Variants in CAVIN1 observed in about 807,000 individuals in gnomAD.
CAVIN1 encodes caveolae associated protein 1.
Under a neutral mutation model 24.0 loss-of-function variants are expected in CAVIN1, and 16 were observed. That is an observed-to-expected ratio of 0.67 (90% CI 0.45 to 1.01). The LOEUF is 1.01. Ranked by LOEUF, CAVIN1 falls within the 50% of genes least tolerant of loss-of-function variation. CAVIN1 has a pLI of 0.00. For synonymous variants in CAVIN1, 256 were observed against 256.4 expected, an observed-to-expected ratio of 1.00 and a Z score of 0.02; for missense variants, 510 against 551.7, an observed-to-expected ratio of 0.92 and a Z score of 0.76.
In CAVIN1 at chr17:42,422,781, G is replaced by A; in HGVS notation, c.317C>T (p.Thr106Met). The A allele has an allele frequency of 1.2e-6, 2 of 1,613,528 alleles. No homozygotes were observed. Among genetic ancestry groups the A allele is most frequent in the Non-Finnish European group, 1.7e-6 (2 of 1,179,812 alleles). ...CACCTTCTCCAGCAGCTTGCTCACC[G>A]TATTGCTCGTGGTGGCGTGCGCCTT... ...LGKAHATTSN[T>M]VSKLLEKVRK... The change falls in exon 1 of 2, where the codon ACG becomes ATG. Residue 106 changes from threonine (T) to methionine (M), a missense_variant. By Grantham distance (81) the Thr-to-Met change is moderately conservative (BLOSUM62 -1). Transcript: ENST00000357037.
rs1036495841 is a variant in CAVIN1, at chr17:42,412,300, G to T, written c.472-6912C>A. ...ATGGGGCTTGGGGTGGGTGCAAAAG[G>T]AGTTGAGAAAAAAGGGCCTTGGTGG... On this transcript the variant is annotated intron_variant, in intron 1 of 1. Coordinates refer to ENST00000357037, the MANE Select transcript of CAVIN1 (RefSeq NM_012232.6). 29 of 985,008 alleles carry T rather than the reference G, an allele frequency of 2.9e-5. No individual in the cohort carries two copies. The South Asian group carries it at 1.1e-3, about 38-fold the overall frequency. 61.0% of individuals were successfully genotyped at this position (985,008 alleles called of 1,614,324 possible).
intron 1 of CAVIN1, among the ~76,000 whole-genome samples, chr17:42,413,566 G>GAAAAAAAAAAAAAAAA (rs60085741): frequency 2.1e-4 from 12 of 56,948 alleles, no homozygotes; most frequent in East Asian, 7.0e-4. Flanking sequence ...CTCAAAAAGG[G>GAAAAAAAAAAAAAAAA]AAAAAAAAAA....
At chr17:42,406,229 C>G (rs998125848) in intron 1 of CAVIN1, among the ~76,000 whole-genome samples, 3 of 152,130 alleles carry the variant, frequency 2.0e-5, no homozygotes, top group East Asian at 3.9e-4. Context: ...TCTGGTGCCG[C>G]AAATCGCACA....
At chr17:42,412,874 C>T (rs998845023) in intron 1 of CAVIN1, among the ~76,000 whole-genome samples, 1 of 151,678 alleles carries the variant, frequency 6.6e-6, no homozygotes, top group Non-Finnish European at 1.5e-5. Flanking sequence ...GTCTCGGTCT[C>T]CCAAAGTGCT....
chr17:42,408,376 C>G (rs1488405269), intron 1 of CAVIN1, among the ~76,000 whole-genome samples: 1 of 152,090 alleles, frequency 6.6e-6, no homozygotes, highest in East Asian at 1.9e-4. Flanking sequence ...GTGAATGGGA[C>G]TGGGGAGAGA....
chr17:42,411,670 C>T, intron 1 of CAVIN1: 2 of 985,412 alleles, frequency 2.0e-6, no homozygotes, highest in Non-Finnish European at 2.4e-6. Flanking sequence ...CTCATGATGG[C>T]CCTCTCCAAA....
Position 42,405,047 on chromosome 17 carries a change from C to T in CAVIN1, c.813G>A (p.Glu271=). ...ENLEKTRHTL[E]KRMNKLGTRL... ...GCGTGCCCAGCTTGTTCATGCGCTT[C>T]TCCAGGGTGTGCCGCGTCTTCTCCA... The change falls in exon 2 of 2, where the codon GAG becomes GAA. Residue 271 remains glutamate (E), a synonymous_variant. Transcript: ENST00000357037. 6.2e-7 allele frequency: 1 copy of T among 1,614,194 alleles called. No homozygotes were observed. Among genetic ancestry groups the T allele is most frequent in the Non-Finnish European group, 8.5e-7 (1 of 1,180,006 alleles).
At chr17:42,418,090 T>G (rs901469458) in intron 1 of CAVIN1, among the ~76,000 whole-genome samples, 2 of 152,202 alleles carry the variant, frequency 1.3e-5, no homozygotes, top group African/African-American at 4.8e-5. Flanking sequence ...GGCTGTATCA[T>G]ATAGCCTAGG....
chr17:42,405,991 G>A (rs1351004536), intron 1 of CAVIN1, among the ~76,000 whole-genome samples: 1 of 152,130 alleles, frequency 6.6e-6, no homozygotes, highest in Non-Finnish European at 1.5e-5. Context: ...CCGGCCTCGC[G>A]CCGCCATTCT....
At chr17:42,422,541 C>T in intron 1 of CAVIN1, 86 bp downstream of exon 1, 4 of 1,071,870 alleles carry the variant, frequency 3.7e-6, no homozygotes, top group Non-Finnish European at 5.4e-6. Context: ...AGCAGCGCCA[C>T]GGGCAGGTCT....
intron 1 of CAVIN1, among the ~76,000 whole-genome samples, chr17:42,412,712 G>A (rs941728437): frequency 3.3e-5 from 5 of 152,020 alleles, no homozygotes; most frequent in Non-Finnish European, 2.9e-5. Context: ...CCACCTCCCA[G>A]GTTCAAGTAA....
At position 42,405,068 on chromosome 17, in the gene CAVIN1, C is replaced by T. The variant is rs759262196; in HGVS notation, c.792G>A (p.Glu264=). The part of the protein sequence containing the change: ...KTRLKTKENL[E]KTRHTLEKRM... ...GCTTCTCCAGGGTGTGCCGCGTCTTCTCCAGGTTTTCCTTGGTCTTGAGGC... is the reference window on the plus strand; with the variant it reads ...GCTTCTCCAGGGTGTGCCGCGTCTTTTCCAGGTTTTCCTTGGTCTTGAGGC... Residue 264 remains glutamate, a synonymous_variant, in exon 2 of 2, where the codon GAG becomes GAA. Transcript: ENST00000357037. 2.5e-6 allele frequency: 4 copies of T among 1,614,062 alleles called. No individual in the cohort carries two copies. The highest frequency in any genetic ancestry group is 2.5e-6 in the Non-Finnish European group (3 of 1,180,026).
intron 1 of CAVIN1, among the ~76,000 whole-genome samples, chr17:42,421,186 G>C (rs1202205665): frequency 6.6e-6 from 1 of 152,104 alleles, no homozygotes; most frequent in African/African-American, 2.4e-5. Context: ...CACCACCTCA[G>C]ATAGGTACCA....
intron 1 of CAVIN1, among the ~76,000 whole-genome samples, chr17:42,406,048 G>A (rs938325157): frequency 3.9e-5 from 6 of 152,180 alleles, no homozygotes; most frequent in Non-Finnish European, 5.9e-5. Context: ...CAGACCGCGG[G>A]AGCAGGGGAC....
At chr17:42,413,147 G>C (rs1466936232) in intron 1 of CAVIN1, among the ~76,000 whole-genome samples, 2 of 151,644 alleles carry the variant, frequency 1.3e-5, no homozygotes, top group Non-Finnish European at 2.9e-5. Context: ...TGGCCAGGCT[G>C]GTCTTGAACT....
At position 42,423,017 on chromosome 17, in the gene CAVIN1, A is replaced by AG; in HGVS notation, c.80dup (p.Gly28TrpfsTer125). The AG allele has an allele frequency of 6.2e-7, 1 of 1,612,566 alleles. No individual in the cohort carries two copies. The highest frequency in any genetic ancestry group is 8.5e-7 in the Non-Finnish European group (1 of 1,179,644). Reference sequence around the variant, plus strand: ...ACGGCTCCTCCGCTGCCTGAGCCCCAGCGGAGGAAGGCTCCGGGGCCTCGG... The same window carrying AG: ...ACGGCTCCTCCGCTGCCTGAGCCCCAGGCGGAGGAAGGCTCCGGGGCCTCGG... On this transcript the variant is annotated frameshift_variant, in exon 1 of 2. Coordinates refer to ENST00000357037, the MANE Select transcript of CAVIN1 (RefSeq NM_012232.6). LOFTEE classifies it high-confidence loss of function.
chr17:42,404,963 T>C lies in CAVIN1; in HGVS notation c.897A>G (p.Lys299=), dbSNP rs139618976. 2.1e-4 allele frequency: 343 copies of C among 1,613,886 alleles called. No individual in the cohort carries two copies. Among genetic ancestry groups the C allele is most frequent in the Non-Finnish European group, 2.7e-4 (318 of 1,179,966 alleles). Residue 299 remains lysine, a synonymous_variant, in exon 2 of 2, where the codon AAA becomes AAG. Coordinates refer to ENST00000357037, the MANE Select transcript of CAVIN1 (RefSeq NM_012232.6). ...KLKTSRDKLR[K]SFTPDHVVYA... ...ACACCACGTGGTCGGGCGTGAAGGA[T>C]TTGCGCAACTTGTCCCGCGACGTCT...
At chr17:42,412,173 G>A (rs2085482819) in intron 1 of CAVIN1, 8 of 985,168 alleles carry the variant, frequency 8.1e-6, no homozygotes, top group Non-Finnish European at 9.6e-6. Flanking sequence ...TCAGGTCAAA[G>A]GGCTCAGTCT....
At chr17:42,413,566 G>GAAAAAA (rs60085741) in intron 1 of CAVIN1, among the ~76,000 whole-genome samples, 2,080 of 55,568 alleles carry the variant, frequency 0.037, 101 homozygotes, top group East Asian at 0.075. Flanking sequence ...CTCAAAAAGG[G>GAAAAAA]AAAAAAAAAA....
Sources: gnomAD v4.1 joint callset for allele counts (sites outside exome capture counted in the v4.1 genomes callset) on GRCh38, gnomAD v4.1.1 for gene constraint, MANE v1.5 for transcripts, NCBI Gene and HGNC (gene_info 2026-07-23, HGNC 2026-07-21) for gene names.